Variants in HEMK2 observed in about 807,000 individuals in gnomAD.
HEMK2 encodes HemK methyltransferase 2, ETF1 glutamine and histone H4 lysine.
At chr21:28,748,437 G>A in the HEMK2 span, among the ~76,000 whole-genome samples, 1 of 152,152 alleles carries the variant, frequency 6.6e-6, no homozygotes, top group African/African-American at 2.4e-5. Flanking sequence ...AAATAAACAT[G>A]GTAGGTTGGA....
chr21:28,684,686 A>G, the HEMK2 span, among the ~76,000 whole-genome samples: 1 of 152,218 alleles, frequency 6.6e-6, no homozygotes. Flanking sequence ...CAAACCTGAC[A>G]TCAACACGTG....
At chr21:28,700,772 G>A in the HEMK2 span, among the ~76,000 whole-genome samples, 1 of 151,960 alleles carries the variant, frequency 6.6e-6, no homozygotes, top group African/African-American at 2.4e-5. Flanking sequence ...AGGAGGAGGG[G>A]CTCTTCCCTA....
chr21:28,784,700 G>C, the HEMK2 span, among the ~76,000 whole-genome samples: 1 of 152,300 alleles, frequency 6.6e-6, no homozygotes, highest in Non-Finnish European at 1.5e-5. Flanking sequence ...TTTGTGTCTA[G>C]CTCAGGGATT....
the HEMK2 span, among the ~76,000 whole-genome samples, chr21:28,759,292 T>C: frequency 6.6e-6 from 1 of 152,198 alleles, no homozygotes; most frequent in Non-Finnish European, 1.5e-5. Flanking sequence ...TTTGGAGCTT[T>C]ACGATTTGAC....
chr21:28,775,370 C>A, the HEMK2 span, among the ~76,000 whole-genome samples: 4 of 152,106 alleles, frequency 2.6e-5, no homozygotes, highest in Non-Finnish European at 4.4e-5. Context: ...GCCTGCAGAA[C>A]ATTCAGGAAA....
the HEMK2 span, among the ~76,000 whole-genome samples, chr21:28,683,515 T>G: frequency 3.9e-5 from 6 of 152,208 alleles, no homozygotes; most frequent in Non-Finnish European, 8.8e-5. Flanking sequence ...CGAGAAATTT[T>G]ATCTTTCACA....
At chr21:28,839,258 CA>C in the HEMK2 span, among the ~76,000 whole-genome samples, 32 of 151,876 alleles carry the variant, frequency 2.1e-4, no homozygotes, top group Non-Finnish European at 4.0e-4. Flanking sequence ...AACTCACAGC[CA>C]ACTTAATACT....
the HEMK2 span, among the ~76,000 whole-genome samples, chr21:28,869,824 T>C: frequency 6.6e-6 from 1 of 152,222 alleles, no homozygotes; most frequent in Non-Finnish European, 1.5e-5. Context: ...GGTACATCAG[T>C]TGAACCTCTG....
the HEMK2 span, among the ~76,000 whole-genome samples, chr21:28,746,753 G>C: frequency 1.3e-5 from 2 of 151,974 alleles, no homozygotes; most frequent in African/African-American, 4.8e-5. Context: ...ACTTTGAGAA[G>C]GGAAGCATTT....
At chr21:28,585,196 G>A in the HEMK2 span, among the ~76,000 whole-genome samples, 1 of 152,108 alleles carries the variant, frequency 6.6e-6, no homozygotes, top group Non-Finnish European at 1.5e-5. Context: ...GCTGAGCATG[G>A]TGGTGCATGC....
At chr21:28,652,380 C>T in the HEMK2 span, among the ~76,000 whole-genome samples, 2 of 152,112 alleles carry the variant, frequency 1.3e-5, no homozygotes, top group Admixed American at 6.6e-5. Flanking sequence ...GAAAGAAGGG[C>T]TTATAGTTTC....
chr21:28,825,637 T>C, the HEMK2 span, among the ~76,000 whole-genome samples: 3 of 152,216 alleles, frequency 2.0e-5, no homozygotes, highest in African/African-American at 7.2e-5. Flanking sequence ...AGGTGTGGTG[T>C]TGGCCTTAGG....
At chr21:28,777,803 G>C in the HEMK2 span, among the ~76,000 whole-genome samples, 1 of 152,158 alleles carries the variant, frequency 6.6e-6, no homozygotes, top group African/African-American at 2.4e-5. Flanking sequence ...AGCCTAGCTA[G>C]TGAATTCATT....
At chr21:28,776,348 G>C in the HEMK2 span, among the ~76,000 whole-genome samples, 2 of 152,208 alleles carry the variant, frequency 1.3e-5, no homozygotes, top group Non-Finnish European at 2.9e-5. Context: ...TTATCTGCCT[G>C]ATGAATCAGT....
chr21:28,869,048 A>G, the HEMK2 span, among the ~76,000 whole-genome samples: 2 of 151,802 alleles, frequency 1.3e-5, no homozygotes, highest in African/African-American at 4.8e-5. Flanking sequence ...AATAGGTGGC[A>G]ATTTTCTCGT....
chr21:28,810,374 T>C, the HEMK2 span, among the ~76,000 whole-genome samples: 22 of 152,168 alleles, frequency 1.4e-4, no homozygotes, highest in African/African-American at 5.3e-4. Context: ...GAAGCTTTCA[T>C]TTACAGTCAA....
At chr21:28,601,604 A>ATG in the HEMK2 span, among the ~76,000 whole-genome samples, 1 of 126,698 alleles carries the variant, frequency 7.9e-6, no homozygotes, top group African/African-American at 3.0e-5. Context: ...ACCTTCTGAC[A>ATG]TCTCTCTCTC....
At chr21:28,809,462 G>A in the HEMK2 span, among the ~76,000 whole-genome samples, 2 of 152,286 alleles carry the variant, frequency 1.3e-5, no homozygotes, top group East Asian at 1.9e-4. Context: ...TGAGCTCTGA[G>A]AGGAGATAAT....
the HEMK2 span, among the ~76,000 whole-genome samples, chr21:28,759,895 G>A: frequency 5.3e-5 from 8 of 152,164 alleles, no homozygotes; most frequent in South Asian, 4.2e-4. Flanking sequence ...ACCCAGTCTC[G>A]GATATGTCTT....
Sources: gnomAD v4.1 joint callset for allele counts (sites outside exome capture counted in the v4.1 genomes callset) on GRCh38, gnomAD v4.1.1 for gene constraint, MANE v1.5 for transcripts, NCBI Gene and HGNC (gene_info 2026-07-23, HGNC 2026-07-21) for gene names.